DNAH6: variants seen among roughly 807,000 people sequenced by gnomAD.
DNAH6 encodes the protein axonemal beta dynein heavy chain 6.
In DNAH6, 340 loss-of-function variants were observed where a neutral mutation model predicts 491.4. That is an observed-to-expected ratio of 0.69 (90% CI 0.63 to 0.76). The LOEUF (loss-of-function observed/expected upper bound fraction) is 0.76. Ranked by LOEUF, DNAH6 falls within the 30% of genes least tolerant of loss-of-function variation. DNAH6 has a pLI of 0.00. For synonymous variants in DNAH6, 1,603 were observed against 1,686.1 expected, an observed-to-expected ratio of 0.95 and a Z score of 1.21; for missense variants, 4,443 against 4,972.2, an observed-to-expected ratio of 0.89 and a Z score of 3.20.
At chr2:84,470,230 T>C in the DNAH6 span, among the ~76,000 whole-genome samples, 1 of 152,164 alleles carries the variant, frequency 6.6e-6, no homozygotes, top group African/African-American at 2.4e-5. Flanking sequence ...TAGTCCCCTA[T>C]GGGCTGCCAG....
At chr2:84,704,904 G>GTCCAC (rs1404219289) in intron 51 of DNAH6, among the ~76,000 whole-genome samples, 16 of 152,170 alleles carry the variant, frequency 1.1e-4, no homozygotes, top group Non-Finnish European at 2.2e-4. Context: ...TCACCACCAG[G>GTCCAC]CTTCCAGGAG....
chr2:84,790,730 C>T (rs1677648939), intron 68 of DNAH6, among the ~76,000 whole-genome samples: 1 of 152,120 alleles, frequency 6.6e-6, no homozygotes, highest in Non-Finnish European at 1.5e-5. Context: ...AAGATAATAA[C>T]AAACGCAGGT....
chr2:84,514,059 C>T (rs1675438301), upstream of DNAH6, among the ~76,000 whole-genome samples: 1 of 152,068 alleles, frequency 6.6e-6, no homozygotes, highest in South Asian at 2.1e-4. Context: ...TCTTCCATTT[C>T]TCCTCAGCAT....
chr2:84,501,498 T>C, the DNAH6 span, among the ~76,000 whole-genome samples: 1 of 151,340 alleles, frequency 6.6e-6, no homozygotes, highest in African/African-American at 2.4e-5. Context: ...TTTTTTAAAA[T>C]GGGTCTTTCT....
chr2:84,675,153 A>C (rs924576549), intron 40 of DNAH6, among the ~76,000 whole-genome samples: 4 of 152,120 alleles, frequency 2.6e-5, no homozygotes, highest in African/African-American at 7.2e-5. Context: ...TTTCACCCTC[A>C]TGGAGCACTG....
chr2:84,740,218 A>G (rs1479250237), intron 62 of DNAH6, among the ~76,000 whole-genome samples: 1 of 152,102 alleles, frequency 6.6e-6, no homozygotes, highest in African/African-American at 2.4e-5. Context: ...TGTTGTAGCA[A>G]TGTAATTTTA....
At chr2:84,518,342 C>T (rs1005288521) in intron 2 of DNAH6, among the ~76,000 whole-genome samples, 1 of 152,112 alleles carries the variant, frequency 6.6e-6, no homozygotes, top group African/African-American at 2.4e-5. Context: ...CTATTAGGCA[C>T]TTTTAGATAT....
chr2:84,660,982 G>T lies in DNAH6; in HGVS notation c.6084+1813G>T, dbSNP rs535030432. On this transcript the variant is annotated intron_variant, in intron 37 of 76. Coordinates refer to ENST00000389394, the MANE Select transcript of DNAH6 (RefSeq NM_001370.2). Reference sequence around the variant, plus strand: ...AAATATAGCTATAAATTATATTATTGGAAAAAATGGCAATATTTGAATATA... The same window carrying T: ...AAATATAGCTATAAATTATATTATTTGAAAAAATGGCAATATTTGAATATA... Among the ~76,000 whole-genome samples, 4 of 151,716 alleles carry T rather than the reference G, an allele frequency of 2.6e-5. No individual in the cohort carries two copies. In the South Asian group the frequency reaches 8.3e-4, roughly 32 times the overall value.
chr2:84,610,916 T>C (rs1686259970), intron 21 of DNAH6, among the ~76,000 whole-genome samples: 1 of 152,128 alleles, frequency 6.6e-6, no homozygotes, highest in Non-Finnish European at 1.5e-5. Context: ...CTGAGCTGAT[T>C]AGTGAGGAAC....
At chr2:84,725,281 T>C (rs1698521735) in intron 60 of DNAH6, among the ~76,000 whole-genome samples, 1 of 152,110 alleles carries the variant, frequency 6.6e-6, no homozygotes. Flanking sequence ...TGGTTGGAGG[T>C]CCAGGAACAG....
intron 26 of DNAH6, among the ~76,000 whole-genome samples, chr2:84,622,178 A>G (rs1382659922): frequency 6.6e-6 from 1 of 152,210 alleles, no homozygotes; most frequent in East Asian, 1.9e-4. Context: ...CGTCATATAA[A>G]TAGATCATGC....
At chr2:84,712,242 A>G (rs1697114771) in intron 56 of DNAH6, among the ~76,000 whole-genome samples, 3 of 152,262 alleles carry the variant, frequency 2.0e-5, no homozygotes, top group South Asian at 2.1e-4. Context: ...ACTCAAAATT[A>G]TATTGAATAA....
chr2:84,506,390 C>T, the DNAH6 span, among the ~76,000 whole-genome samples: 1 of 152,122 alleles, frequency 6.6e-6, no homozygotes, highest in Non-Finnish European at 1.5e-5. Flanking sequence ...TGTTCATATC[C>T]TTTGCCCACT....
At chr2:84,729,307 C>A (rs1698933924) in intron 61 of DNAH6, among the ~76,000 whole-genome samples, 1 of 152,150 alleles carries the variant, frequency 6.6e-6, no homozygotes, top group African/African-American at 2.4e-5. Context: ...AGTAACTTGT[C>A]CTGATAACAC....
chr2:84,478,376 G>T, the DNAH6 span, among the ~76,000 whole-genome samples: 2 of 152,162 alleles, frequency 1.3e-5, no homozygotes, highest in African/African-American at 2.4e-5. Flanking sequence ...GGCACTGCTT[G>T]TTGGGAGGTT....
intron 37 of DNAH6, among the ~76,000 whole-genome samples, chr2:84,664,310 G>A (rs1012465203): frequency 6.6e-6 from 1 of 152,078 alleles, no homozygotes; most frequent in Non-Finnish European, 1.5e-5. Flanking sequence ...TGGCAAATTG[G>A]ATAAAGAGTC....
the DNAH6 span, among the ~76,000 whole-genome samples, chr2:84,500,833 G>A: frequency 1.3e-5 from 2 of 152,070 alleles, no homozygotes; most frequent in African/African-American, 4.8e-5. Context: ...ATTGTTCACT[G>A]TTGGCATATA....
At chr2:84,547,694 G>A (rs1678913348) in intron 7 of DNAH6, 82 bp downstream of exon 7, 2 of 1,336,704 alleles carry the variant, frequency 1.5e-6, no homozygotes. Flanking sequence ...CTTTTCTTAA[G>A]TTTAAATAAT....
At chr2:84,778,319 C>A (rs1054823447) in intron 64 of DNAH6, 7 of 472,366 alleles carry the variant, frequency 1.5e-5, no homozygotes, top group African/African-American at 1.2e-4. Flanking sequence ...GTGGCTCCAG[C>A]GCCTGGCTTT....
Sources: allele counts gnomAD v4.1 joint callset (sites outside exome capture counted in the v4.1 genomes callset), GRCh38; gene constraint gnomAD v4.1.1; transcripts MANE v1.5; gene names NCBI Gene and HGNC (gene_info 2026-07-23, HGNC 2026-07-21).